Variants in ACBD7 observed in about 807,000 individuals in gnomAD.
The protein encoded by ACBD7 is acyl-CoA-binding domain-containing protein 7.
A neutral mutation model predicts 13.7 loss-of-function variants in ACBD7; 11 were observed. That is an observed-to-expected ratio of 0.80 (90% CI 0.50 to 1.33). The LOEUF (loss-of-function observed/expected upper bound fraction) is 1.33. ACBD7 is among the 40% of genes most tolerant of loss of function. The probability of loss-of-function intolerance (pLI) is 0.00; values close to 1 mark genes in which losing one functional copy is unlikely to be tolerated. For missense variants in ACBD7, 111 were observed against 103.0 expected, an observed-to-expected ratio of 1.08 and a Z score of -0.33; for synonymous variants, 43 against 37.7, an observed-to-expected ratio of 1.14 and a Z score of -0.51.
rs758152489 is a variant in ACBD7, at chr10:15,076,954, T to C, written c.*1576A>G. On this transcript the variant is annotated 3_prime_UTR_variant, in exon 4 of 4. Coordinates refer to ENST00000356189, the MANE Select transcript of ACBD7 (RefSeq NM_001039844.3). Reference sequence around the variant, plus strand: ...CTAAAAAGTCAAAAAACAACAGATGTGGAGAAAAGGGAATGCTTATACACT... The same window carrying C: ...CTAAAAAGTCAAAAAACAACAGATGCGGAGAAAAGGGAATGCTTATACACT... The C allele has an allele frequency of 5.1e-6, 5 of 982,208 alleles. No individual in the cohort carries two copies. Among genetic ancestry groups the C allele is most frequent in the Admixed American group, 6.2e-5 (1 of 16,240 alleles). 60.8% of individuals were successfully genotyped at this position (982,208 alleles called of 1,614,324 possible). A position where few individuals can be genotyped will look rare whatever the true frequency, so the allele number is the denominator to read the frequency against.
At chr10:15,088,316 G>A (rs11259476) in intron 1 of ACBD7, 23,012 of 226,142 alleles carry the variant, frequency 0.1, 1,596 homozygotes, top group East Asian at 0.29. Flanking sequence ...CTATAAAACA[G>A]TATTTTTAAA....
chr10:15,084,407 A>G (rs72774376), intron 1 of ACBD7, among the ~76,000 whole-genome samples: 8,039 of 152,274 alleles, frequency 0.053, 300 homozygotes, highest in East Asian at 0.063. Context: ...ATTGAATTCC[A>G]AAGCATTCTT....
intron 1 of ACBD7, among the ~76,000 whole-genome samples, chr10:15,082,112 A>C (rs1034742128): frequency 3.9e-5 from 6 of 151,942 alleles, no homozygotes; most frequent in Non-Finnish European, 7.4e-5. Flanking sequence ...ACATGGAGAA[A>C]CCCGTCTCTA....
At chr10:15,085,591 T>C (rs1240704845) in intron 1 of ACBD7, among the ~76,000 whole-genome samples, 1 of 152,200 alleles carries the variant, frequency 6.6e-6, no homozygotes, top group Non-Finnish European at 1.5e-5. Flanking sequence ...TTAGTCTTTT[T>C]TTGCCAGTTG....
Position 15,081,654 on chromosome 10 carries a change from C to G in ACBD7, c.13-2614G>C, listed in dbSNP as rs114741490. ...TACAGAAATCAAATCTCTTCTCTCC[C>G]AGTTTATCTGCATCTCGTTATTGAG... On this transcript the variant is annotated intron_variant, in intron 1 of 3. Transcript: ENST00000356189. 9.2e-3 allele frequency among the ~76,000 whole-genome samples: 1,408 copies of G among 152,304 alleles called. 32 individuals carry two copies. The highest frequency in any genetic ancestry group is 0.032 in the African/African-American group (1,320 of 41,558).
chr10:15,085,666 G>C (rs1844800331), intron 1 of ACBD7, among the ~76,000 whole-genome samples: 1 of 152,174 alleles, frequency 6.6e-6, no homozygotes, highest in African/African-American at 2.4e-5. Flanking sequence ...CTGTTTTTTA[G>C]CTTCATCATC....
chr10:15,076,308 A>C lies in ACBD7; in HGVS notation c.*2222T>G. 1 of 985,272 alleles carries C rather than the reference A, an allele frequency of 1.0e-6. No homozygotes were observed. Among genetic ancestry groups the C allele is most frequent in the Non-Finnish European group, 1.2e-6 (1 of 829,814 alleles). The allele number at this position is 985,272 out of a possible 1,614,324, so 61.0% of individuals were successfully genotyped here. On this transcript the variant is annotated 3_prime_UTR_variant, in exon 4 of 4. Coordinates refer to ENST00000356189, the MANE Select transcript of ACBD7 (RefSeq NM_001039844.3). ...ATCCAGAAAGACTGAGTAGGGGGCCAATATTATATTCCAGACTCTATTTTT... is the reference window on the plus strand; with the variant it reads ...ATCCAGAAAGACTGAGTAGGGGGCCCATATTATATTCCAGACTCTATTTTT...
At chr10:15,085,578 A>G (rs997101373) in intron 1 of ACBD7, among the ~76,000 whole-genome samples, 1 of 152,210 alleles carries the variant, frequency 6.6e-6, no homozygotes, top group Admixed American at 6.5e-5. Flanking sequence ...CTGGGGGAAG[A>G]GGTTAGTCTT....
chr10:15,084,859 C>T (rs1844791200), intron 1 of ACBD7, among the ~76,000 whole-genome samples: 1 of 152,168 alleles, frequency 6.6e-6, no homozygotes, highest in South Asian at 2.1e-4. Context: ...TTTCCATCTG[C>T]CACACAGAAA....
rs182433369 is a variant in ACBD7, at chr10:15,077,245, T to A, written c.*1285A>T. ...CGTTGTATATGTATACCAGGGGATA[T>A]TACTCAGCCATATAAAGAGAATGAA... On this transcript the variant is annotated 3_prime_UTR_variant, in exon 4 of 4. Coordinates refer to ENST00000356189, the MANE Select transcript of ACBD7 (RefSeq NM_001039844.3). Among the ~76,000 whole-genome samples, 2 of 152,248 alleles carry A rather than the reference T, an allele frequency of 1.3e-5. No individual in the cohort carries two copies. The highest frequency in any genetic ancestry group is 6.5e-5 in the Admixed American group (1 of 15,292).
At chr10:15,088,598 G>A in intron 1 of ACBD7, 119 bp downstream of exon 1, 1 of 1,347,456 alleles carries the variant, frequency 7.4e-7, no homozygotes, top group Non-Finnish European at 1.0e-6. Context: ...GGAAGGAGTG[G>A]GCGTGTCCCC....
chr10:15,086,883 C>T (rs957414378), intron 1 of ACBD7, among the ~76,000 whole-genome samples: 1 of 151,982 alleles, frequency 6.6e-6, no homozygotes, highest in Non-Finnish European at 1.5e-5. Flanking sequence ...TGTGGTGGCA[C>T]ATGCCTGTAA....
intron 1 of ACBD7, among the ~76,000 whole-genome samples, chr10:15,085,274 G>A (rs1045050478): frequency 6.6e-6 from 1 of 152,180 alleles, no homozygotes; most frequent in African/African-American, 2.4e-5. Flanking sequence ...CACCTTTGGC[G>A]TAGAAGTTAC....
At chr10:15,078,895 A>T in intron 2 of ACBD7, 28 bp downstream of exon 2, 1 of 1,231,302 alleles carries the variant, frequency 8.1e-7, no homozygotes, top group African/African-American at 1.6e-5. Flanking sequence ...TAACATATGA[A>T]TATATTAATA....
At chr10:15,087,340 C>T (rs935764904) in intron 1 of ACBD7, among the ~76,000 whole-genome samples, 1 of 152,206 alleles carries the variant, frequency 6.6e-6, no homozygotes, top group Non-Finnish European at 1.5e-5. Context: ...AACTATGTCA[C>T]AGGCTAAGTA....
intron 1 of ACBD7, among the ~76,000 whole-genome samples, chr10:15,087,498 C>A (rs554003652): frequency 1.3e-5 from 2 of 152,192 alleles, no homozygotes; most frequent in Non-Finnish European, 2.9e-5. Context: ...TTTTAGAGGC[C>A]GGGCGTGGTG....
At chr10:15,088,413 T>C (rs1844833534) in intron 1 of ACBD7, 1 of 484,444 alleles carries the variant, frequency 2.1e-6, no homozygotes, top group South Asian at 2.9e-5. Flanking sequence ...GAGCGGGGGA[T>C]CTCGACTCCC....
chr10:15,079,192 G>A, intron 1 of ACBD7, 152 bp from the exon 2 acceptor site: 1 of 407,436 alleles, frequency 2.5e-6, no homozygotes, highest in East Asian at 4.1e-5. Context: ...ATTCCTAGGA[G>A]TTCACCTCTC....
chr10:15,084,680 G>A (rs1244167551), intron 1 of ACBD7, among the ~76,000 whole-genome samples: 6 of 152,172 alleles, frequency 3.9e-5, no homozygotes, highest in South Asian at 4.1e-4. Flanking sequence ...TGCAATCAGA[G>A]GCTGAAGTTA....
Sources: allele counts gnomAD v4.1 joint callset (sites outside exome capture counted in the v4.1 genomes callset), GRCh38; gene constraint gnomAD v4.1.1; transcripts MANE v1.5; gene names NCBI Gene and HGNC (gene_info 2026-07-23, HGNC 2026-07-21).